MYT1L: variants seen among roughly 807,000 people sequenced by gnomAD.
MYT1L encodes the protein myelin transcription factor 1 like.
In MYT1L, 12 loss-of-function variants were observed where a neutral mutation model predicts 126.7. That is an observed-to-expected ratio of 0.09 (90% CI 0.06 to 0.15). MYT1L has a LOEUF of 0.15. Among genes scored for constraint, MYT1L ranks in the 10% least tolerant of loss-of-function variants. The pLI is 1.00. For missense variants in MYT1L, 979 were observed against 1,585.2 expected, an observed-to-expected ratio of 0.62 and a Z score of 6.49; for synonymous variants, 541 against 604.2, an observed-to-expected ratio of 0.90 and a Z score of 1.53.
chr2:2,003,831 G>A (rs745586768), intron 4 of MYT1L, among the ~76,000 whole-genome samples: 18 of 152,204 alleles, frequency 1.2e-4, no homozygotes, highest in East Asian at 1.9e-4. Flanking sequence ...CCCCAGGCCC[G>A]GCTGCTTCAG....
At chr2:2,010,114 T>G (rs1460576027) in intron 4 of MYT1L, among the ~76,000 whole-genome samples, 1 of 152,180 alleles carries the variant, frequency 6.6e-6, no homozygotes, top group Non-Finnish European at 1.5e-5. Flanking sequence ...TGGGCATCTA[T>G]GGGGTAAAAT....
At chr2:2,234,952 G>T (rs779999094) in intron 2 of MYT1L, among the ~76,000 whole-genome samples, 13 of 152,190 alleles carry the variant, frequency 8.5e-5, no homozygotes, top group Non-Finnish European at 1.6e-4. Context: ...TTGGCCTGCG[G>T]TCCTTTCCCT....
chr2:1,983,813 C>T (rs1460195053), intron 5 of MYT1L, among the ~76,000 whole-genome samples: 1 of 152,206 alleles, frequency 6.6e-6, no homozygotes, highest in Non-Finnish European at 1.5e-5. Flanking sequence ...GACATCAGCT[C>T]TGATCTTCCT....
chr2:1,807,235 G>A (rs2147969466), intron 22 of MYT1L, among the ~76,000 whole-genome samples: 1 of 152,374 alleles, frequency 6.6e-6, no homozygotes, highest in East Asian at 1.9e-4. Context: ...TTGAGGAATA[G>A]TTTGTACTGG....
At chr2:2,238,036 T>A (rs997239828) in intron 2 of MYT1L, among the ~76,000 whole-genome samples, 1 of 152,204 alleles carries the variant, frequency 6.6e-6, no homozygotes, top group African/African-American at 2.4e-5. Context: ...TCCTCCATAA[T>A]GGAAAGACAA....
At position 1,839,132 on chromosome 2, in the gene MYT1L, C is replaced by T; in HGVS notation, c.3080+17G>A. ...CGGCACCATCCCAGCCAGGGTCCCGCAGACGCGGCCACTCACCTGCGGTGT... is the reference window on the plus strand; with the variant it reads ...CGGCACCATCCCAGCCAGGGTCCCGTAGACGCGGCCACTCACCTGCGGTGT... On this transcript the variant is annotated intron_variant, in intron 21 of 24. Coordinates refer to ENST00000647738, the MANE Select transcript of MYT1L (RefSeq NM_001303052.2). 1.9e-6 allele frequency: 3 copies of T among 1,594,332 alleles called. No individual in the cohort carries two copies. Among genetic ancestry groups the T allele is most frequent in the Non-Finnish European group, 2.6e-6 (3 of 1,168,920 alleles).
intron 1 of MYT1L, among the ~76,000 whole-genome samples, chr2:2,304,741 G>C (rs1175139748): frequency 1.3e-4 from 20 of 152,178 alleles, no homozygotes; most frequent in Non-Finnish European, 1.2e-4. Flanking sequence ...AAGTTGTCTG[G>C]ATTTGGCATA....
At chr2:1,868,483 T>C (rs868314102) in intron 18 of MYT1L, among the ~76,000 whole-genome samples, 29 of 152,056 alleles carry the variant, frequency 1.9e-4, no homozygotes, top group Admixed American at 1.5e-3. Flanking sequence ...TTGGGAAGGA[T>C]CTTAGAGGAT....
At chr2:2,259,394 TA>T (rs79333923) in intron 2 of MYT1L, among the ~76,000 whole-genome samples, 2,145 of 110,316 alleles carry the variant, frequency 0.019, 64 homozygotes, top group African/African-American at 0.049. Context: ...TAGAGTATAA[TA>T]AAAAAAAAAA....
rs1193960483 is a variant in MYT1L at position 1,894,160 on chromosome 2, G to A, written c.2033-1873C>T. On this transcript the variant is annotated intron_variant, in intron 14 of 24. Transcript: ENST00000647738. ...CACTCAGAGTGGGCCCATGGCTGGT[G>A]GGGCACAGCTGTCCCTGAGAAGCGT... is the stretch of plus-strand genomic sequence containing the variant. Among the ~76,000 whole-genome samples, 8 of 152,346 alleles carry A rather than the reference G, an allele frequency of 5.3e-5. No homozygotes were observed. In the East Asian group the frequency reaches 1.4e-3, roughly 26 times the overall value.
intron 21 of MYT1L, among the ~76,000 whole-genome samples, chr2:1,815,188 C>T (rs1459732520): frequency 1.3e-5 from 2 of 152,310 alleles, no homozygotes; most frequent in South Asian, 4.1e-4. Context: ...CCGGCCGCCA[C>T]AGGCCTGGCT....
At chr2:1,864,660 A>C (rs900642066) in intron 18 of MYT1L, among the ~76,000 whole-genome samples, 2 of 152,130 alleles carry the variant, frequency 1.3e-5, no homozygotes, top group African/African-American at 4.8e-5. Flanking sequence ...CTGAGCCCGG[A>C]TGGGAGGCAC....
At chr2:2,272,141 T>C (rs1188022840) in intron 2 of MYT1L, among the ~76,000 whole-genome samples, 1 of 152,014 alleles carries the variant, frequency 6.6e-6, no homozygotes, top group Non-Finnish European at 1.5e-5. Flanking sequence ...TCTTCCCTCC[T>C]GCCCTGCCTG....
chr2:2,216,039 GTCTGTC>G (rs2093666779), intron 2 of MYT1L, among the ~76,000 whole-genome samples: 1 of 129,770 alleles, frequency 7.7e-6, no homozygotes, highest in South Asian at 2.5e-4. Flanking sequence ...GTGTCTGTCT[GTCTGTC>G]TCTCTCTCTC....
At chr2:2,323,523 G>A (rs6715366) in intron 1 of MYT1L, among the ~76,000 whole-genome samples, 33,085 of 152,030 alleles carry the variant, frequency 0.22, 3,901 homozygotes, top group South Asian at 0.29. Context: ...ATTTATCAGT[G>A]AATTCCTACC....
In MYT1L at chr2:2,176,206, G is replaced by A. The variant is rs561144179; in HGVS notation, c.-420-3218C>T. On this transcript the variant is annotated intron_variant, in intron 2 of 24. Coordinates refer to ENST00000647738, the MANE Select transcript of MYT1L (RefSeq NM_001303052.2). ...TAATGACCATATAGACAATGAAAAG[G>A]AAATATATAATCAAATAATTAAATA... Among the ~76,000 whole-genome samples the A allele has an allele frequency of 3.9e-5, 6 of 152,224 alleles. No individual in the cohort carries two copies. In the South Asian group the frequency reaches 1.0e-3, roughly 26 times the overall value.
chr2:2,295,375 T>G (rs185384897), intron 1 of MYT1L, among the ~76,000 whole-genome samples: 35 of 152,272 alleles, frequency 2.3e-4, no homozygotes, highest in African/African-American at 8.4e-4. Flanking sequence ...CTCAGTAAAT[T>G]CTATGCTGTG....
At chr2:1,846,567 T>C (rs1231245596) in intron 19 of MYT1L, among the ~76,000 whole-genome samples, 1 of 150,844 alleles carries the variant, frequency 6.6e-6, no homozygotes, top group South Asian at 2.1e-4. Flanking sequence ...CAACAACAGG[T>C]GAGTGCAGGA....
chr2:1,964,142 A>T (rs1299404888), intron 8 of MYT1L, among the ~76,000 whole-genome samples: 1 of 152,138 alleles, frequency 6.6e-6, no homozygotes, highest in African/African-American at 2.4e-5. Flanking sequence ...ATTGTGTCTC[A>T]GGGAATAGGA....
Sources: allele counts gnomAD v4.1 joint callset (sites outside exome capture counted in the v4.1 genomes callset), GRCh38; gene constraint gnomAD v4.1.1; transcripts MANE v1.5; gene names NCBI Gene and HGNC (gene_info 2026-07-23, HGNC 2026-07-21).